The following HDAC9 variants were observed in gnomAD, a reference collection of about 807,000 sequenced individuals.
HDAC9 encodes the protein histone deacetylase 9.
HDAC9 carries 41 observed loss-of-function variants against 139.4 expected under a neutral mutation model. That is an observed-to-expected ratio of 0.29 (90% CI 0.23 to 0.38). The LOEUF (loss-of-function observed/expected upper bound fraction) is 0.38. Among genes scored for constraint, HDAC9 ranks in the 10% least tolerant of loss-of-function variants. The pLI is 1.00. For synonymous variants in HDAC9, 517 were observed against 476.2 expected (o/e 1.09, Z -1.12); for missense variants, 1,147 against 1,297.0 (o/e 0.88, Z 1.78).
chr7:18,537,747 G>T (rs968175891), intron 2 of HDAC9, among the ~76,000 whole-genome samples: 2 of 152,200 alleles, frequency 1.3e-5, no homozygotes, highest in African/African-American at 4.8e-5. Context: ...TGACCCAAAA[G>T]TTATGCGGGA....
intron 1 of HDAC9, among the ~76,000 whole-genome samples, chr7:18,323,823 C>T (rs1232133419): frequency 6.6e-6 from 1 of 152,010 alleles, no homozygotes; most frequent in Non-Finnish European, 1.5e-5. Context: ...GACCACTTGA[C>T]TTTAACAACA....
chr7:18,498,406 A>G (rs1797503683), intron 2 of HDAC9, among the ~76,000 whole-genome samples: 2 of 152,018 alleles, frequency 1.3e-5, no homozygotes, highest in Admixed American at 1.3e-4. Flanking sequence ...AAATCTCCCC[A>G]CCTTAACCTT....
At chr7:18,574,374 T>C (rs1417967523) in intron 2 of HDAC9, among the ~76,000 whole-genome samples, 2 of 152,184 alleles carry the variant, frequency 1.3e-5, no homozygotes, top group Admixed American at 6.5e-5. Context: ...TCTGGCTGAG[T>C]CCAGGGTCGT....
At chr7:18,767,813 C>T (rs1164517341) in intron 16 of HDAC9, among the ~76,000 whole-genome samples, 2 of 152,084 alleles carry the variant, frequency 1.3e-5, no homozygotes, top group Non-Finnish European at 2.9e-5. Context: ...AGTAACAAAC[C>T]ATCATCCTGT....
At chr7:18,213,200 G>C (rs1792070776) in intron 2 of HDAC9, among the ~76,000 whole-genome samples, 1 of 152,128 alleles carries the variant, frequency 6.6e-6, no homozygotes. Flanking sequence ...TCTGTTCATG[G>C]AACAGAGTAC....
At chr7:18,953,954 G>A (rs1203975796) in intron 23 of HDAC9, among the ~76,000 whole-genome samples, 192 bp from the exon 24 acceptor site, 1 of 151,992 alleles carries the variant, frequency 6.6e-6, no homozygotes, top group African/African-American at 2.4e-5. Context: ...AAGCCCCTTG[G>A]AATTCAATTA....
intron 24 of HDAC9, among the ~76,000 whole-genome samples, chr7:18,957,177 G>A (rs1440352710): frequency 6.6e-6 from 1 of 152,164 alleles, no homozygotes; most frequent in Non-Finnish European, 1.5e-5. Context: ...TTTGAGAAGT[G>A]GAGTGAAACT....
chr7:18,840,571 G>A (rs541600365), intron 21 of HDAC9, among the ~76,000 whole-genome samples: 36 of 151,920 alleles, frequency 2.4e-4, no homozygotes, highest in Non-Finnish European at 4.4e-4. Flanking sequence ...GTATTTAATC[G>A]AAATGCTATG....
At chr7:18,985,159 G>C (rs190221192) in intron 25 of HDAC9, among the ~76,000 whole-genome samples, 3,084 of 152,062 alleles carry the variant, frequency 0.02, 55 homozygotes, top group Non-Finnish European at 0.029. Flanking sequence ...TGCCATGCTG[G>C]TGCGCTGCAC....
intron 2 of HDAC9, among the ~76,000 whole-genome samples, chr7:18,204,557 G>A (rs146286193): frequency 1.1e-4 from 17 of 151,936 alleles, no homozygotes; most frequent in Non-Finnish European, 2.1e-4. Context: ...AGTGATCGTT[G>A]TTGCTTTTTT....
chr7:18,765,496 T>G (rs1789755218), intron 15 of HDAC9, among the ~76,000 whole-genome samples: 1 of 152,056 alleles, frequency 6.6e-6, no homozygotes, highest in African/African-American at 2.4e-5. Flanking sequence ...GATGCGCACC[T>G]GTAGTCCCAA....
chr7:18,682,523 T>G (rs1305512204), intron 12 of HDAC9, among the ~76,000 whole-genome samples: 1 of 152,052 alleles, frequency 6.6e-6, no homozygotes, highest in Non-Finnish European at 1.5e-5. Context: ...GCTGGTAACT[T>G]TTAAAGAATG....
At chr7:18,792,270 A>ATT (rs1562944970) in intron 16 of HDAC9, among the ~76,000 whole-genome samples, 15 of 146,408 alleles carry the variant, frequency 1.0e-4, no homozygotes, top group African/African-American at 3.4e-4. Context: ...TTTTTTTTAA[A>ATT]AAAAAAAAAA....
chr7:18,479,230 CTT>C (rs1795354813), intron 1 of HDAC9, among the ~76,000 whole-genome samples: 1 of 151,994 alleles, frequency 6.6e-6, no homozygotes, highest in African/African-American at 2.4e-5. Flanking sequence ...TCTTGTAAAA[CTT>C]TTCAAGTTTG....
chr7:18,855,579 T>C (rs1342035956), intron 21 of HDAC9, among the ~76,000 whole-genome samples: 1 of 151,876 alleles, frequency 6.6e-6, no homozygotes, highest in Non-Finnish European at 1.5e-5. Flanking sequence ...GTGCTGAACT[T>C]GAGCACTCCT....
intron 25 of HDAC9, among the ~76,000 whole-genome samples, chr7:18,989,580 C>G (rs1165167452): frequency 6.6e-6 from 1 of 150,800 alleles, no homozygotes; most frequent in Non-Finnish European, 1.5e-5. Context: ...CTCTGTATTT[C>G]CTGAATCTGA....
rs567687096 is a variant in HDAC9 at position 18,591,362 on chromosome 7, T to C, written c.416-154T>C. On this transcript the variant is annotated intron_variant, in intron 4 of 25. Coordinates refer to ENST00000686413, the MANE Select transcript of HDAC9 (RefSeq NM_178425.4). ...ATATTTGGACTGTGGTTTCTTCTTT[T>C]AATAGGAAAACTTTATGTGCTGTGA... 2.0e-5 allele frequency among the ~76,000 whole-genome samples: 3 copies of C among 152,294 alleles called. No individual in the cohort carries two copies. In the South Asian group the frequency reaches 6.2e-4, roughly 32 times the overall value.
At chr7:18,695,413 G>A (rs934399063) in intron 12 of HDAC9, among the ~76,000 whole-genome samples, 2 of 152,144 alleles carry the variant, frequency 1.3e-5, no homozygotes, top group South Asian at 4.1e-4. Context: ...GACAATAAAT[G>A]AGGACTGTGT....
At chr7:18,814,866 A>G (rs1054245766) in intron 17 of HDAC9, among the ~76,000 whole-genome samples, 4 of 152,166 alleles carry the variant, frequency 2.6e-5, no homozygotes, top group African/African-American at 9.7e-5. Flanking sequence ...GAACCTAGAC[A>G]TTTTGATAAT....
Sources: allele counts gnomAD v4.1 joint callset (sites outside exome capture counted in the v4.1 genomes callset), GRCh38; gene constraint gnomAD v4.1.1; transcripts MANE v1.5; gene names NCBI Gene and HGNC (gene_info 2026-07-23, HGNC 2026-07-21).